The following PSMD14 variants were observed in gnomAD, a reference collection of about 807,000 sequenced individuals.
The protein encoded by PSMD14 is ubiquitin C-terminal hydrolase PSMD14.
Under a neutral mutation model 41.2 loss-of-function variants are expected in PSMD14, and 7 were observed. The ratio of observed to expected loss-of-function variants is 0.17; its 90% CI spans 0.10 to 0.32. The LOEUF is 0.32. PSMD14 is among the 10% of genes least tolerant of loss of function. The probability of loss-of-function intolerance (pLI) is 1.00; values close to 1 mark genes in which losing one functional copy is unlikely to be tolerated. For synonymous variants in PSMD14, 114 were observed against 122.3 expected (o/e 0.93, Z 0.45); for missense variants, 139 against 375.6 (o/e 0.37, Z 5.21).
At chr2:161,363,684 A>G (rs1211395969) in intron 3 of PSMD14, among the ~76,000 whole-genome samples, 2 of 152,200 alleles carry the variant, frequency 1.3e-5, no homozygotes, top group Non-Finnish European at 2.9e-5. Context: ...TAATTGGGTC[A>G]TCTTTGATCT....
chr2:161,355,168 TAAAG>T (rs1683178621), intron 3 of PSMD14, among the ~76,000 whole-genome samples: 5 of 152,342 alleles, frequency 3.3e-5, no homozygotes, highest in African/African-American at 7.2e-5. Flanking sequence ...AAATTTTTAA[TAAAG>T]AAATATATCG....
intron 6 of PSMD14, 146 bp downstream of exon 6, chr2:161,370,323 C>A (rs992228483): frequency 1.4e-5 from 9 of 621,436 alleles, no homozygotes; most frequent in Admixed American, 3.5e-5. Context: ...CAGTGCCATG[C>A]ACCACCTGTC....
intron 3 of PSMD14, among the ~76,000 whole-genome samples, chr2:161,362,927 TC>T (rs1683309360): frequency 6.6e-6 from 1 of 152,232 alleles, no homozygotes; most frequent in African/African-American, 2.4e-5. Flanking sequence ...GTTTATTGTT[TC>T]TGTTTATTTT....
intron 3 of PSMD14, 74 bp from the exon 4 acceptor site, chr2:161,367,404 A>G (rs185564818): frequency 8.4e-7 from 1 of 1,196,058 alleles, no homozygotes; most frequent in East Asian, 2.6e-5. Flanking sequence ...TCAAGTTTAT[A>G]CCACATGTAA....
chr2:161,316,809 C>T (rs577537241), intron 2 of PSMD14, among the ~76,000 whole-genome samples: 1 of 152,210 alleles, frequency 6.6e-6, no homozygotes, highest in South Asian at 2.1e-4. Flanking sequence ...TTCCTCTTTG[C>T]TGTGATATCT....
intron 7 of PSMD14, among the ~76,000 whole-genome samples, chr2:161,376,110 T>G (rs927177906): frequency 4.0e-5 from 6 of 149,334 alleles, no homozygotes; most frequent in South Asian, 2.1e-4. Flanking sequence ...TATATACATA[T>G]ATATATATAT....
At chr2:161,387,521 T>C (rs929401618) in intron 8 of PSMD14, among the ~76,000 whole-genome samples, 1 of 151,358 alleles carries the variant, frequency 6.6e-6, no homozygotes, top group Non-Finnish European at 1.5e-5. Context: ...TTCTAACAGA[T>C]TTTTTTTTAC....
At position 161,403,202 on chromosome 2, in the gene PSMD14, TACTC is replaced by T. The variant is rs146766349; in HGVS notation, c.772-5633_772-5630del. ...GAGGTATGTACTTACAACATACTAT[TACTC>T]AGTCATAAAAAGGAATGGAGTGCTG... is the stretch of plus-strand genomic sequence containing the variant. On this transcript the variant is annotated intron_variant, in intron 10 of 11. Coordinates refer to ENST00000409682, the MANE Select transcript of PSMD14 (RefSeq NM_005805.6). Among the ~76,000 whole-genome samples the T allele has an allele frequency of 2.5e-3, 374 of 152,324 alleles. 6 individuals are homozygous for T. Among genetic ancestry groups the T allele is most frequent in the East Asian group, 0.024 (123 of 5,180 alleles).
At chr2:161,388,121 G>A (rs1683657424) in intron 8 of PSMD14, among the ~76,000 whole-genome samples, 1 of 152,060 alleles carries the variant, frequency 6.6e-6, no homozygotes, top group African/African-American at 2.4e-5. Flanking sequence ...AAGTGTCACA[G>A]TAAATTTGAA....
chr2:161,388,943 ACT>A (rs1683670280), intron 8 of PSMD14, among the ~76,000 whole-genome samples: 1 of 152,156 alleles, frequency 6.6e-6, no homozygotes, highest in Non-Finnish European at 1.5e-5. Context: ...GGAGGAAGGC[ACT>A]GGGGGCACAC....
At chr2:161,359,415 T>C (rs1683258709) in intron 3 of PSMD14, among the ~76,000 whole-genome samples, 1 of 152,248 alleles carries the variant, frequency 6.6e-6, no homozygotes, top group Non-Finnish European at 1.5e-5. Flanking sequence ...ATTTGTGTGC[T>C]GTGATTTTTA....
intron 4 of PSMD14, 92 bp from the exon 5 acceptor site, chr2:161,367,692 T>C: frequency 6.7e-7 from 1 of 1,501,162 alleles, no homozygotes; most frequent in Non-Finnish European, 8.9e-7. Context: ...GTTTTTATTT[T>C]CACTGGAACA....
chr2:161,332,783 C>G (rs897392641), intron 3 of PSMD14, among the ~76,000 whole-genome samples: 12 of 152,216 alleles, frequency 7.9e-5, no homozygotes, highest in African/African-American at 2.4e-4. Context: ...GCCTAATCTG[C>G]TGCTCTGGCC....
At chr2:161,349,397 G>A (rs1683087088) in intron 3 of PSMD14, among the ~76,000 whole-genome samples, 1 of 152,066 alleles carries the variant, frequency 6.6e-6, no homozygotes, top group South Asian at 2.1e-4. Flanking sequence ...CATGTTTGTG[G>A]GTGAGATAGT....
chr2:161,408,904 G>T lies in PSMD14; in HGVS notation c.834+5G>T. The stretch of plus-strand genomic sequence containing the variant: ...ATAAAGAATGTTGGCAAGCAGGTGA[G>T]GTGTACTGTTAATAAGTTATGCAGT... On this transcript the variant is annotated splice_donor_5th_base_variant and intron_variant, in intron 11 of 11. Coordinates refer to ENST00000409682, the MANE Select transcript of PSMD14 (RefSeq NM_005805.6). 1 of 1,594,066 alleles carries T rather than the reference G, an allele frequency of 6.3e-7. No homozygotes were observed. Among genetic ancestry groups the T allele is most frequent in the South Asian group, 1.1e-5 (1 of 89,552 alleles).
intron 11 of PSMD14, 72 bp from the exon 12 acceptor site, chr2:161,411,230 G>GA (rs1332278554): frequency 4.0e-6 from 4 of 995,018 alleles, no homozygotes; most frequent in South Asian, 1.9e-5. Flanking sequence ...ATCAGCTACT[G>GA]AAAAAAATTT....
intron 3 of PSMD14, among the ~76,000 whole-genome samples, chr2:161,355,459 T>A (rs1683182371): frequency 6.6e-6 from 1 of 152,152 alleles, no homozygotes; most frequent in Non-Finnish European, 1.5e-5. Context: ...CTATAATGCT[T>A]AAAATTGGCA....
At chr2:161,344,114 C>CGGG (rs199820892) in intron 3 of PSMD14, among the ~76,000 whole-genome samples, 1 of 107,224 alleles carries the variant, frequency 9.3e-6, no homozygotes, top group Admixed American at 1.1e-4. Context: ...AGACTTGGTG[C>CGGG]GGGGGGGTGG....
At chr2:161,368,551 A>G (rs1220372747) in intron 5 of PSMD14, among the ~76,000 whole-genome samples, 1 of 152,004 alleles carries the variant, frequency 6.6e-6, no homozygotes, top group Non-Finnish European at 1.5e-5. Flanking sequence ...GTGTTGATAG[A>G]TGTGCATTTT....
Sources: allele counts gnomAD v4.1 joint callset (sites outside exome capture counted in the v4.1 genomes callset), GRCh38; gene constraint gnomAD v4.1.1; transcripts MANE v1.5; gene names NCBI Gene and HGNC (gene_info 2026-07-23, HGNC 2026-07-21).